The following PCDH15 variants were observed in gnomAD, a reference collection of about 807,000 sequenced individuals.
PCDH15 encodes the protein protocadherin-15.
PCDH15 carries 129 observed loss-of-function variants against 178.5 expected under a neutral mutation model. The observed-to-expected ratio is 0.72, with a 90% CI of 0.63 to 0.84. The LOEUF is 0.84. Among genes scored for constraint, PCDH15 ranks in the 40% least tolerant of loss-of-function variants. PCDH15 has a pLI of 0.00. For missense variants in PCDH15, 2,230 were observed against 2,099.9 expected (o/e 1.06, Z -1.21); for synonymous variants, 800 against 732.0 (o/e 1.09, Z -1.50).
At chr10:55,070,330 G>T (rs1360803025) in intron 2 of PCDH15, among the ~76,000 whole-genome samples, 10 of 151,772 alleles carry the variant, frequency 6.6e-5, no homozygotes, top group Admixed American at 5.2e-4. Flanking sequence ...TGCTTTTGGT[G>T]TTTTAGACAT....
chr10:54,445,390 G>T (rs2076084336), intron 3 of PCDH15, among the ~76,000 whole-genome samples: 1 of 151,396 alleles, frequency 6.6e-6, no homozygotes, highest in Admixed American at 6.6e-5. Context: ...TCACCAGTTT[G>T]CTCCTGAATG....
At chr10:55,333,959 C>T (rs1844284316) in intron 2 of PCDH15, among the ~76,000 whole-genome samples, 1 of 151,408 alleles carries the variant, frequency 6.6e-6, no homozygotes, top group Non-Finnish European at 1.5e-5. Context: ...AGCTTATTGT[C>T]CATTTATTTT....
chr10:54,761,332 A>C (rs1330645773), intron 1 of PCDH15, among the ~76,000 whole-genome samples: 2 of 152,162 alleles, frequency 1.3e-5, no homozygotes, highest in African/African-American at 4.8e-5. Context: ...CGAATGACCT[A>C]GGTAATATGC....
Position 54,090,005 on chromosome 10 carries a change from C to G in PCDH15, c.1976G>C (p.Arg659Thr). ...TYAIENGDPQ[R>T]VFNLSETTGI... Reference sequence around the variant, plus strand: ...TTACGTTTCTGAAAGATTAAAAACTCTCTGAGGATCTCCATTCTCAATGGC... The same window carrying G: ...TTACGTTTCTGAAAGATTAAAAACTGTCTGAGGATCTCCATTCTCAATGGC... The change falls in exon 16 of 38, where the codon AGA becomes ACA. Residue 659 changes from arginine (R) to threonine (T), a missense_variant. Transcript: ENST00000644397. The G allele has an allele frequency of 6.2e-7, 1 of 1,611,834 alleles. No individual in the cohort carries two copies. The highest frequency in any genetic ancestry group is 1.7e-4 in the Middle Eastern group (1 of 6,048).
chr10:53,961,905 T>G lies in PCDH15; in HGVS notation c.2869-13A>C, dbSNP rs887721820. ...TTGCAGGTAATCCCTAAAATAAAATTATTAATTATTAATTTGCTGTTACCA... is the reference window on the plus strand; with the variant it reads ...TTGCAGGTAATCCCTAAAATAAAATGATTAATTATTAATTTGCTGTTACCA... On this transcript the variant is annotated splice_polypyrimidine_tract_variant and intron_variant, in intron 21 of 37. Transcript: ENST00000644397. 2.5e-6 allele frequency: 4 copies of G among 1,592,940 alleles called. No individual in the cohort carries two copies. In the African/African-American group the frequency reaches 4.0e-5, roughly 16 times the overall value.
chr10:54,051,661 T>C (rs1286438515), intron 18 of PCDH15, among the ~76,000 whole-genome samples: 5 of 152,044 alleles, frequency 3.3e-5, no homozygotes, highest in Admixed American at 1.3e-4. Context: ...TGATAGAAAA[T>C]AAAAACTCAT....
At chr10:55,218,077 C>T (rs1391170987) in intron 1 of PCDH15, among the ~76,000 whole-genome samples, 1 of 151,988 alleles carries the variant, frequency 6.6e-6, no homozygotes, top group Non-Finnish European at 1.5e-5. Flanking sequence ...AGAACACCAA[C>T]TATCCTTTCC....
At chr10:54,132,780 T>A (rs188237292) in intron 15 of PCDH15, 95 bp downstream of exon 15, 1 of 1,528,826 alleles carries the variant, frequency 6.5e-7, no homozygotes. Context: ...CATGTGAGGT[T>A]TCTCCCTCCA....
At chr10:54,745,249 A>C (rs1945300061) in intron 1 of PCDH15, among the ~76,000 whole-genome samples, 1 of 152,148 alleles carries the variant, frequency 6.6e-6, no homozygotes, top group African/African-American at 2.4e-5. Context: ...TGTTCTTCCA[A>C]AATTTTATAA....
intron 2 of PCDH15, among the ~76,000 whole-genome samples, chr10:55,609,932 T>C (rs959034910): frequency 1.3e-5 from 2 of 152,110 alleles, no homozygotes. Context: ...AATACTGTCA[T>C]AATAAGGAGC....
At chr10:54,566,699 T>C (rs575481256) in intron 2 of PCDH15, among the ~76,000 whole-genome samples, 1 of 152,164 alleles carries the variant, frequency 6.6e-6, no homozygotes, top group Non-Finnish European at 1.5e-5. Context: ...TGAATAATAG[T>C]CCATTGTCTG....
chr10:54,037,013 A>G (rs9645505), intron 18 of PCDH15, among the ~76,000 whole-genome samples: 90,714 of 151,706 alleles, frequency 0.6, 29,830 homozygotes, highest in Middle Eastern at 0.76. Flanking sequence ...TGCAGATGTG[A>G]TAGACATGGT....
chr10:54,996,002 C>T (rs1322513354), intron 2 of PCDH15, among the ~76,000 whole-genome samples: 4 of 152,142 alleles, frequency 2.6e-5, no homozygotes, highest in South Asian at 2.1e-4. Flanking sequence ...ATTCTTCTTC[C>T]CTAGAAATAT....
At chr10:55,584,076 G>T (rs1352426145) in intron 2 of PCDH15, among the ~76,000 whole-genome samples, 2 of 151,784 alleles carry the variant, frequency 1.3e-5, no homozygotes, top group African/African-American at 4.8e-5. Flanking sequence ...TAGATATGAG[G>T]TCTCACTATA....
intron 2 of PCDH15, among the ~76,000 whole-genome samples, chr10:54,652,103 A>T (rs898140829): frequency 6.6e-6 from 1 of 152,230 alleles, no homozygotes; most frequent in African/African-American, 2.4e-5. Flanking sequence ...ATAGAAAATG[A>T]CATATTCCCT....
chr10:54,964,316 T>A (rs1591809236), intron 2 of PCDH15, among the ~76,000 whole-genome samples: 2 of 152,206 alleles, frequency 1.3e-5, no homozygotes, highest in African/African-American at 4.8e-5. Context: ...CCAGAAGAAC[T>A]GGCAAATATT....
At chr10:55,462,420 T>C (rs901196890) in intron 2 of PCDH15, among the ~76,000 whole-genome samples, 3 of 152,082 alleles carry the variant, frequency 2.0e-5, no homozygotes, top group Admixed American at 6.6e-5. Flanking sequence ...AAGTAACAAC[T>C]TAAAGAGAAT....
intron 3 of PCDH15, among the ~76,000 whole-genome samples, chr10:54,442,543 A>G (rs2075893751): frequency 6.9e-6 from 1 of 144,388 alleles, no homozygotes; most frequent in African/African-American, 2.5e-5. Context: ...TCTGAAGGCA[A>G]TTATTTACAT....
intron 2 of PCDH15, among the ~76,000 whole-genome samples, chr10:55,324,938 G>A (rs754875229): frequency 5.3e-5 from 8 of 152,014 alleles, no homozygotes; most frequent in Non-Finnish European, 8.8e-5. Flanking sequence ...TATCCAACCT[G>A]AGAGTCAAAT....
Sources: gnomAD v4.1 joint callset for allele counts (sites outside exome capture counted in the v4.1 genomes callset) on GRCh38, gnomAD v4.1.1 for gene constraint, MANE v1.5 for transcripts, NCBI Gene and HGNC (gene_info 2026-07-23, HGNC 2026-07-21) for gene names.